The following ZNF679 variants were observed in gnomAD, a reference collection of about 807,000 sequenced individuals.
ZNF679 encodes zinc finger protein 679, also known as hypothetical protein MGC42415.
ZNF679 carries 10 observed loss-of-function variants against 13.4 expected under a neutral mutation model. That is an observed-to-expected ratio of 0.75 (90% CI 0.46 to 1.27). The LOEUF (loss-of-function observed/expected upper bound fraction) is 1.27. Ranked by LOEUF, ZNF679 falls within the 50% of genes most tolerant of loss-of-function variation. The pLI is 0.00. For synonymous variants in ZNF679, 179 were observed against 162.5 expected, an observed-to-expected ratio of 1.10 and a Z score of -0.77; for missense variants, 525 against 477.8, an observed-to-expected ratio of 1.10 and a Z score of -0.92.
At chr7:64,239,690 C>A (rs1390071846) in intron 1 of ZNF679, among the ~76,000 whole-genome samples, 1 of 152,132 alleles carries the variant, frequency 6.6e-6, no homozygotes, top group African/African-American at 2.4e-5. Context: ...CCAAGCCTAG[C>A]ACTTAATGAC....
At chr7:64,244,234 A>G (rs1332493534) in intron 1 of ZNF679, among the ~76,000 whole-genome samples, 2 of 152,028 alleles carry the variant, frequency 1.3e-5, no homozygotes, top group Non-Finnish European at 2.9e-5. Flanking sequence ...TGAGTGACAG[A>G]GCGAGACTCC....
intron 1 of ZNF679, among the ~76,000 whole-genome samples, chr7:64,240,255 A>G (rs903434534): frequency 1.3e-5 from 2 of 152,070 alleles, no homozygotes. Context: ...AGTAAGAATT[A>G]TGGTATATCA....
chr7:64,255,089 G>A (rs554074639), intron 2 of ZNF679, among the ~76,000 whole-genome samples: 5 of 152,010 alleles, frequency 3.3e-5, no homozygotes, highest in African/African-American at 9.6e-5. Context: ...CAGAGGCCTG[G>A]CCTGGAGGGG....
Position 64,266,082 on chromosome 7 carries a change from C to A in ZNF679, c.449C>A (p.Thr150Asn), listed in dbSNP as rs930380570. The A allele has an allele frequency of 7.4e-6, 12 of 1,612,998 alleles. No individual in the cohort carries two copies. The African/African-American group carries it at 1.5e-4, about 20-fold the overall frequency. ...AATGAAGTTAACCAATGTTTGTCAA[C>A]TACCCAAAACAAAATATTTCAGACT... Reference protein sequence around the residue: ...GCNEVNQCLSTTQNKIFQTHK... With the variant: ...GCNEVNQCLSNTQNKIFQTHK... The change falls in exon 5 of 5, where the codon ACT (threonine) becomes AAT (asparagine). Residue 150 changes from threonine to asparagine, a missense_variant. Coordinates refer to ENST00000421025, the MANE Select transcript of ZNF679 (RefSeq NM_153363.3).
intron 4 of ZNF679, among the ~76,000 whole-genome samples, chr7:64,264,999 G>T (rs943849554): frequency 1.3e-5 from 2 of 151,602 alleles, no homozygotes; most frequent in Non-Finnish European, 2.9e-5. Flanking sequence ...TTATTTAGGT[G>T]TCTGGTTTTC....
At chr7:64,259,193 T>A (rs1788043708) in intron 2 of ZNF679, among the ~76,000 whole-genome samples, 1 of 152,146 alleles carries the variant, frequency 6.6e-6, no homozygotes, top group South Asian at 2.1e-4. Flanking sequence ...ATTACAGGCG[T>A]GAGCTACCGT....
rs149618476 is a variant in ZNF679, at chr7:64,243,242, C to T, written c.-90-5786C>T. Among the ~76,000 whole-genome samples, 353 of 152,240 alleles carry T rather than the reference C, an allele frequency of 2.3e-3. 1 individual carries two copies. The highest frequency in any genetic ancestry group is 8.1e-3 in the African/African-American group (335 of 41,536). On this transcript the variant is annotated intron_variant, in intron 1 of 4. Transcript: ENST00000421025. ...CTCTTCCATTGGCTGGGTTTGCATA[C>T]GCGAGTCTTCATTATACCTGTCAGC...
chr7:64,230,523 G>A (rs1476583215), intron 1 of ZNF679, among the ~76,000 whole-genome samples: 4 of 144,472 alleles, frequency 2.8e-5, no homozygotes, highest in African/African-American at 7.8e-5. Context: ...CTGGGCGACA[G>A]AGCGAGACTC....
rs757030672 is a variant in ZNF679 at position 64,266,032 on chromosome 7, G to A, written c.399G>A (p.Glu133=). ...LQVKTCKSMG[E]CEVQKGGCNE... Reference sequence around the variant, plus strand: ...TAAAAACATGTAAAAGCATGGGTGAGTGTGAGGTGCAAAAAGGAGGTTGTA... The same window carrying A: ...TAAAAACATGTAAAAGCATGGGTGAATGTGAGGTGCAAAAAGGAGGTTGTA... The change falls in exon 5 of 5, where the codon GAG becomes GAA. Residue 133 remains glutamate, a synonymous_variant. Coordinates refer to ENST00000421025, the MANE Select transcript of ZNF679 (RefSeq NM_153363.3). 1.9e-6 allele frequency: 3 copies of A among 1,613,494 alleles called. No homozygotes were observed. The highest frequency in any genetic ancestry group is 1.3e-5 in the African/African-American group (1 of 75,054).
At chr7:64,228,734 CAG>C (rs1474808960) in intron 1 of ZNF679, 82 bp downstream of exon 1, 1 of 152,244 alleles carries the variant, frequency 6.6e-6, no homozygotes, top group Non-Finnish European at 1.5e-5. Flanking sequence ...CACCTGCAAA[CAG>C]AGTCCTCATA....
chr7:64,257,572 G>A (rs573438151), intron 2 of ZNF679, among the ~76,000 whole-genome samples: 5 of 152,204 alleles, frequency 3.3e-5, no homozygotes, highest in East Asian at 3.9e-4. Context: ...TTCCCAGCAC[G>A]GTATTCTGTG....
rs1177575125 is a variant in ZNF679 at position 64,260,285 on chromosome 7, A to G, written c.104A>G (p.His35Arg). ...FSLEEWQCLD[H>R]AQQNLYRDVM... ...CTGGAGGAGTGGCAATGCCTGGATC[A>G]CGCTCAGCAGAATTTATATAGAGAT... Residue 35 changes from histidine (H) to arginine (R), a missense_variant, in exon 3 of 5, where the codon CAC (histidine) becomes CGC (arginine). Physicochemically the swap from His to Arg is conservative, Grantham distance 29. Coordinates refer to ENST00000421025, the MANE Select transcript of ZNF679 (RefSeq NM_153363.3). 22 of 1,613,020 alleles carry G rather than the reference A, an allele frequency of 1.4e-5. No homozygotes were observed. Among genetic ancestry groups the G allele is most frequent in the Middle Eastern group, 3.3e-4 (2 of 6,070 alleles).
intron 2 of ZNF679, among the ~76,000 whole-genome samples, chr7:64,257,682 GT>G: frequency 6.6e-6 from 1 of 152,272 alleles, no homozygotes; most frequent in Middle Eastern, 3.4e-3. Context: ...GCTGCCTTCT[GT>G]TTTCTCTGTA....
chr7:64,244,629 T>C (rs768556857), intron 1 of ZNF679, among the ~76,000 whole-genome samples: 1 of 152,182 alleles, frequency 6.6e-6, no homozygotes, highest in Non-Finnish European at 1.5e-5. Context: ...AAAGGACAAT[T>C]CAGGATGGTT....
At chr7:64,236,922 GAAGAAAGAAAGAAAGA>G (rs1290345784) in intron 1 of ZNF679, among the ~76,000 whole-genome samples, 4 of 85,338 alleles carry the variant, frequency 4.7e-5, no homozygotes, top group Admixed American at 1.4e-4. Context: ...AAGAAAGAAA[GAAGAAAGAAAGAAAGA>G]AAGAAAGAAA....
intron 1 of ZNF679, among the ~76,000 whole-genome samples, chr7:64,236,892 AAAAGAAAAAGAAAAAAAGAAAG>A (rs1266889114): frequency 6.8e-6 from 1 of 147,000 alleles, no homozygotes; most frequent in Non-Finnish European, 1.5e-5. Flanking sequence ...AAGAAAGAAA[AAAAGAAAAAGAAAAAAAGAAAG>A]AAAGAAAGAA....
chr7:64,258,942 A>C (rs1788040536), intron 2 of ZNF679, among the ~76,000 whole-genome samples: 1 of 150,888 alleles, frequency 6.6e-6, no homozygotes, highest in African/African-American at 2.4e-5. Flanking sequence ...CCGAGTTTTC[A>C]CTCTTGTCCC....
chr7:64,244,033 T>C (rs1787834873), intron 1 of ZNF679, among the ~76,000 whole-genome samples: 1 of 152,110 alleles, frequency 6.6e-6, no homozygotes, highest in African/African-American at 2.4e-5. Context: ...GGGCAGATCA[T>C]GAGGTCAGGA....
chr7:64,261,917 G>C (rs1315537350), intron 4 of ZNF679, among the ~76,000 whole-genome samples: 6 of 145,658 alleles, frequency 4.1e-5, no homozygotes, highest in Non-Finnish European at 9.0e-5. Context: ...GCAGTGCAAT[G>C]GCAATTTTGG....
Sources: allele counts gnomAD v4.1 joint callset (sites outside exome capture counted in the v4.1 genomes callset), GRCh38; gene constraint gnomAD v4.1.1; transcripts MANE v1.5; gene names NCBI Gene and HGNC (gene_info 2026-07-23, HGNC 2026-07-21).